Variants in TRPC4AP observed in about 807,000 individuals in gnomAD.
TRPC4AP encodes the protein transient receptor potential cation channel subfamily C member 4 associated protein, also known as short transient receptor potential channel 4-associated protein.
In TRPC4AP, 45 loss-of-function variants were observed where a neutral mutation model predicts 99.0. That is an observed-to-expected ratio of 0.45 (90% CI 0.36 to 0.58). The LOEUF is 0.58. TRPC4AP is among the 20% of genes least tolerant of loss of function. The probability of loss-of-function intolerance (pLI) is 0.00; values close to 1 mark genes in which losing one functional copy is unlikely to be tolerated. For missense variants in TRPC4AP, 879 were observed against 985.3 expected, an observed-to-expected ratio of 0.89 and a Z score of 1.44; for synonymous variants, 408 against 385.8, an observed-to-expected ratio of 1.06 and a Z score of -0.67.
chr20:35,054,950 A>G, intron 5 of TRPC4AP, 26 bp downstream of exon 5: 1 of 1,603,016 alleles, frequency 6.2e-7, no homozygotes, highest in Non-Finnish European at 8.5e-7. Flanking sequence ...GGAGATAAAC[A>G]GAGCCCCAGT....
intron 7 of TRPC4AP, 140 bp from the exon 8 acceptor site, chr20:35,035,448 C>A: frequency 1.1e-6 from 1 of 941,440 alleles, no homozygotes; most frequent in Non-Finnish European, 1.5e-6. Flanking sequence ...AAATGAATGT[C>A]AAACCAAGGT....
Position 35,021,329 on chromosome 20 carries a change from G to GC in TRPC4AP, c.1078dup (p.Ala360GlyfsTer3). 1 of 1,614,176 alleles carries GC rather than the reference G, an allele frequency of 6.2e-7. No homozygotes were observed. Among genetic ancestry groups the GC allele is most frequent in the Non-Finnish European group, 8.5e-7 (1 of 1,180,012 alleles). ...GTGAGGCAGGCCATTCTCCTCAGAA[G>GC]CCCCTGGAGGAGGGAACACAATGGA... On this transcript the variant is annotated frameshift_variant, in exon 9 of 19. Transcript: ENST00000252015. LOFTEE classifies it high-confidence loss of function.
intron 1 of TRPC4AP, among the ~76,000 whole-genome samples, chr20:35,088,188 T>C (rs1302283095): frequency 6.6e-6 from 1 of 152,246 alleles, no homozygotes; most frequent in African/African-American, 2.4e-5. Flanking sequence ...TTAAGTGCTT[T>C]ATATGTACAA....
intron 3 of TRPC4AP, among the ~76,000 whole-genome samples, chr20:35,065,077 G>A (rs944541986): frequency 2.0e-5 from 3 of 152,150 alleles, no homozygotes; most frequent in Non-Finnish European, 4.4e-5. Context: ...CAAGTAAGAC[G>A]TAAGATGCTC....
rs143543424 is a variant in TRPC4AP at position 35,078,109 on chromosome 20, G to A, written c.234C>T (p.Leu78=). 2 of 1,614,002 alleles carry A rather than the reference G, an allele frequency of 1.2e-6. No homozygotes were observed. Among genetic ancestry groups the A allele is most frequent in the Admixed American group, 1.7e-5 (1 of 60,018 alleles). The change falls in exon 2 of 19, where the codon CTC becomes CTT. Residue 78 remains leucine, a synonymous_variant. Coordinates refer to ENST00000252015, the MANE Select transcript of TRPC4AP (RefSeq NM_015638.3). ...GGTGGCTGGTGGTGTGCAGCTTGAG[G>A]AGCAGCTGAGGAATTCCACTCCACT... ...QSKWSGIPQL[L]LKLHTTSHLH...
chr20:35,038,931 G>A (rs542560447), intron 7 of TRPC4AP, among the ~76,000 whole-genome samples: 17 of 152,206 alleles, frequency 1.1e-4, no homozygotes, highest in African/African-American at 3.9e-4. Context: ...AAAATTAGTC[G>A]GGCCTGGTGG....
In TRPC4AP at chr20:35,025,090, C is replaced by CT. The variant is rs146307796; in HGVS notation, c.1052-3735dup. 2.0e-5 allele frequency among the ~76,000 whole-genome samples: 3 copies of CT among 152,280 alleles called. No homozygotes were observed. In the East Asian group the frequency reaches 5.8e-4, roughly 29 times the overall value. The stretch of plus-strand genomic sequence containing the variant: ...GTGGCTGCACTATTCTACATGCCCA[C>CT]TAATAGTGACTGAGGGCTCTGATTT... On this transcript the variant is annotated intron_variant, in intron 8 of 18. Transcript: ENST00000252015.
At chr20:35,066,255 G>A (rs1010360987) in intron 3 of TRPC4AP, among the ~76,000 whole-genome samples, 9 of 151,986 alleles carry the variant, frequency 5.9e-5, no homozygotes, top group African/African-American at 1.9e-4. Flanking sequence ...CAGGCCATGT[G>A]CTACCACAAT....
Position 35,055,108 on chromosome 20 carries a change from A to T in TRPC4AP, c.473-77T>A. 5 of 1,301,096 alleles carry T rather than the reference A, an allele frequency of 3.8e-6. 1 individual carries two copies. In the South Asian group the frequency reaches 6.1e-5, roughly 16 times the overall value. 80.6% of individuals were successfully genotyped at this position (1,301,096 alleles called of 1,614,324 possible). A position where few individuals can be genotyped will look rare whatever the true frequency, so the allele number is the denominator to read the frequency against. ...CAACAGTTACCACATTTTTTTCAGC[A>T]TAAGAACTGTTATAATCCCCTCCAA... On this transcript the variant is annotated intron_variant, in intron 4 of 18. Transcript: ENST00000252015.
chr20:35,004,491 G>A lies in TRPC4AP; in HGVS notation c.2016C>T (p.Leu672=), dbSNP rs776885273. The A allele has an allele frequency of 6.2e-6, 10 of 1,614,098 alleles. No homozygotes were observed. Among genetic ancestry groups the A allele is most frequent in the Middle Eastern group, 1.6e-4 (1 of 6,062 alleles). The change falls in exon 17 of 19, where the codon CTC becomes CTT. Residue 672 remains leucine, a synonymous_variant. Transcript: ENST00000252015. ...GCGTCTGCACGTGGATGATGTTGAT[G>A]AGGCGGAAGAGGAAGGACATCTGCG... ...VPTQMSFLFR[L]INIIHVQTLT...
chr20:35,036,512 T>C (rs2083322130), intron 7 of TRPC4AP, among the ~76,000 whole-genome samples: 1 of 152,250 alleles, frequency 6.6e-6, no homozygotes, highest in African/African-American at 2.4e-5. Flanking sequence ...TAATTTTTGA[T>C]ACAGTGGCAG....
chr20:35,034,301 G>A (rs942645744), intron 8 of TRPC4AP, among the ~76,000 whole-genome samples: 1 of 152,068 alleles, frequency 6.6e-6, no homozygotes, highest in Admixed American at 6.6e-5. Flanking sequence ...TCTCAGAGCA[G>A]GGTCAGTAGC....
chr20:35,091,088 A>G (rs1179607756), intron 1 of TRPC4AP, among the ~76,000 whole-genome samples: 2 of 151,254 alleles, frequency 1.3e-5, no homozygotes, highest in African/African-American at 2.4e-5. Flanking sequence ...CACTCTGTCA[A>G]TCTCCGCCTC....
intron 10 of TRPC4AP, among the ~76,000 whole-genome samples, chr20:35,014,767 T>C (rs570261165): frequency 7.9e-5 from 12 of 152,252 alleles, no homozygotes; most frequent in Non-Finnish European, 1.3e-4. Context: ...TGGGTGGCAC[T>C]TTTAGGTCCC....
chr20:35,011,506 A>G (rs1021459427), intron 11 of TRPC4AP, among the ~76,000 whole-genome samples: 1 of 152,212 alleles, frequency 6.6e-6, no homozygotes, highest in African/African-American at 2.4e-5. Flanking sequence ...TTGCAAGAGT[A>G]TTGAACTGTT....
chr20:35,015,718 G>T (rs2082739143), intron 10 of TRPC4AP, among the ~76,000 whole-genome samples: 2 of 152,022 alleles, frequency 1.3e-5, no homozygotes, highest in South Asian at 4.1e-4. Context: ...TGTAACTCTT[G>T]ACCTCAAGTG....
rs1262323158 is a variant in TRPC4AP, at chr20:35,015,466, T to TG, written c.1350+541_1350+542insC. Among the ~76,000 whole-genome samples the TG allele has an allele frequency of 1.7e-4, 26 of 149,194 alleles. No individual in the cohort carries two copies. In the South Asian group the frequency reaches 5.4e-3, roughly 31 times the overall value. On this transcript the variant is annotated intron_variant, in intron 10 of 18. Coordinates refer to ENST00000252015, the MANE Select transcript of TRPC4AP (RefSeq NM_015638.3). Reference sequence around the variant, plus strand: ...TAGAGGGCCTCAGGCAGGAACTTTTTTTTTTTTTTTTTTTGAGACACAGTC... The same window carrying TG: ...TAGAGGGCCTCAGGCAGGAACTTTTTGTTTTTTTTTTTTTTGAGACACAGTC...
chr20:35,014,075 C>T (rs777638311), intron 10 of TRPC4AP, among the ~76,000 whole-genome samples: 4 of 152,222 alleles, frequency 2.6e-5, no homozygotes, highest in African/African-American at 4.8e-5. Flanking sequence ...AAACTAACCC[C>T]ACTGACCTCA....
chr20:35,086,475 G>GTATA lies in TRPC4AP; in HGVS notation c.168+6138_168+6139insTATA, dbSNP rs1555919360. Among the ~76,000 whole-genome samples the GTATA allele has an allele frequency of 1.8e-3, 205 of 116,474 alleles. 5 individuals are homozygous for GTATA. Among genetic ancestry groups the GTATA allele is most frequent in the African/African-American group, 5.9e-3 (186 of 31,412 alleles). The allele number at this position is 116,474 out of a possible 152,430, so 76.4% of individuals were successfully genotyped here. A position where few individuals can be genotyped will look rare whatever the true frequency, so the allele number is the denominator to read the frequency against. On this transcript the variant is annotated intron_variant, in intron 1 of 18. Coordinates refer to ENST00000252015, the MANE Select transcript of TRPC4AP (RefSeq NM_015638.3). ...TGTGTGTGTGTGTGTGTGTGTGTGT[G>GTATA]TATGTGTGTGTATATATATATGTGT...
Sources: gnomAD v4.1 joint callset for allele counts (sites outside exome capture counted in the v4.1 genomes callset) on GRCh38, gnomAD v4.1.1 for gene constraint, MANE v1.5 for transcripts, NCBI Gene and HGNC (gene_info 2026-07-23, HGNC 2026-07-21) for gene names.